Variants in VPS13C observed in about 807,000 individuals in gnomAD.
The protein encoded by VPS13C is intermembrane lipid transfer protein VPS13C.
Under a neutral mutation model 456.8 loss-of-function variants are expected in VPS13C, and 358 were observed. The ratio of observed to expected loss-of-function variants is 0.78; its 90% CI spans 0.72 to 0.86. The LOEUF (loss-of-function observed/expected upper bound fraction) is 0.86. Among genes scored for constraint, VPS13C ranks in the 40% least tolerant of loss-of-function variants. The pLI is 0.00. For synonymous variants in VPS13C, 1,578 were observed against 1,486.7 expected (o/e 1.06, Z -1.41); for missense variants, 4,818 against 4,385.4 (o/e 1.10, Z -2.79).
chr15:61,896,172 G>T (rs183559078), intron 66 of VPS13C, among the ~76,000 whole-genome samples: 1 of 152,096 alleles, frequency 6.6e-6, no homozygotes, highest in South Asian at 2.1e-4. Context: ...TTCCCTCAAA[G>T]AAAAGCCAAG....
intron 58 of VPS13C, 129 bp from the exon 59 acceptor site, chr15:61,918,386 C>T: frequency 1.2e-6 from 1 of 865,536 alleles, no homozygotes; most frequent in Non-Finnish European, 1.6e-6. Context: ...TTTTTATTGG[C>T]AATTGAAAAA....
Position 62,035,008 on chromosome 15 carries a change from C to T in VPS13C, c.232G>A (p.Ala78Thr). 6.2e-7 allele frequency: 1 copy of T among 1,604,068 alleles called. No homozygotes were observed. The change falls in exon 4 of 85, where the codon GCA becomes ACA. Residue 78 changes from alanine to threonine, a missense_variant. Around this residue, in one of 3 missense-constraint regions of VPS13C, gnomAD observed 4,552 missense variants for 4,130.6 expected, o/e 1.10. Coordinates refer to ENST00000644861, the MANE Select transcript of VPS13C (RefSeq NM_020821.3). Reference protein sequence around the residue: ...KIPWKNLYGEAVVATLEGLYL... With the variant: ...KIPWKNLYGETVVATLEGLYL... Reference sequence around the variant, plus strand: ...AATCCTTCCAGGGTCGCAACAACTGCTTCTCCATAAAGGTTCTTCCAAGGA... The same window carrying T: ...AATCCTTCCAGGGTCGCAACAACTGTTTCTCCATAAAGGTTCTTCCAAGGA...
chr15:61,944,636 G>A (rs2044544899), intron 45 of VPS13C, among the ~76,000 whole-genome samples: 1 of 152,112 alleles, frequency 6.6e-6, no homozygotes, highest in South Asian at 2.1e-4. Flanking sequence ...GACTACTACA[G>A]AGAGGGAGGA....
intron 3 of VPS13C, among the ~76,000 whole-genome samples, chr15:62,036,057 C>A (rs1793754039): frequency 6.6e-6 from 1 of 152,026 alleles, no homozygotes; most frequent in South Asian, 2.1e-4. Context: ...ATCTGCCTTA[C>A]TACAGCAATT....
intron 58 of VPS13C, 78 bp downstream of exon 58, chr15:61,919,211 T>C (rs1026549394): frequency 1.2e-5 from 16 of 1,391,170 alleles, no homozygotes; most frequent in Non-Finnish European, 1.6e-5. Flanking sequence ...GAAGTTTTAC[T>C]GTATTCCTAT....
At chr15:61,962,276 T>C (rs533224000) in intron 34 of VPS13C, 95 bp downstream of exon 34, 2 of 1,179,020 alleles carry the variant, frequency 1.7e-6, no homozygotes, top group Non-Finnish European at 2.3e-6. Flanking sequence ...TAATGCCCAC[T>C]CTAAAATCCA....
chr15:62,020,951 A>G (rs1228948916), intron 8 of VPS13C, among the ~76,000 whole-genome samples: 1 of 152,002 alleles, frequency 6.6e-6, no homozygotes, highest in African/African-American at 2.4e-5. Context: ...AATACTATTC[A>G]GCCATAAAAA....
rs760417421 is a variant in VPS13C at position 61,984,861 on chromosome 15, G to A, written c.1717C>T (p.Leu573Phe). Residue 573 changes from leucine (L) to phenylalanine (F), a missense_variant, in exon 19 of 85, where the codon CTT (leucine) becomes TTT (phenylalanine). This residue lies in a region of VPS13C where 4,552 missense variants were observed against 4,130.6 expected (regional missense o/e 1.10). Coordinates refer to ENST00000644861, the MANE Select transcript of VPS13C (RefSeq NM_020821.3). Reference sequence around the variant, plus strand: ...AATAAGTTTTTAAAAACTTACTTAAGTGCTTGTGCTCCTGGTCGCTGAGAT... The same window carrying A: ...AATAAGTTTTTAAAAACTTACTTAAATGCTTGTGCTCCTGGTCGCTGAGAT... ...QVSQRPGAQA[L>F]KVEAKLEHWY... 5 of 1,612,998 alleles carry A rather than the reference G, an allele frequency of 3.1e-6. No homozygotes were observed. The highest frequency in any genetic ancestry group is 1.7e-5 in the Admixed American group (1 of 59,882).
intron 10 of VPS13C, among the ~76,000 whole-genome samples, chr15:62,013,400 C>T (rs2140519051): frequency 6.6e-6 from 1 of 151,518 alleles, no homozygotes; most frequent in African/African-American, 2.4e-5. Context: ...TTTAACAGAC[C>T]CTGTAAATAT....
Position 62,017,240 on chromosome 15 carries a change from A to G in VPS13C, c.684+3239T>C, listed in dbSNP as rs1179201677. Among the ~76,000 whole-genome samples the G allele has an allele frequency of 7.2e-5, 11 of 152,152 alleles. No individual in the cohort carries two copies. The South Asian group carries it at 1.2e-3, about 17-fold the overall frequency. On this transcript the variant is annotated intron_variant, in intron 9 of 84. Transcript: ENST00000644861. ...TTTTCTCCCATTCTGTAGGTTGCCT[A>G]TTCACTCTGATGATAGTTTCTTTTG...
intron 37 of VPS13C, among the ~76,000 whole-genome samples, chr15:61,955,518 C>T (rs150124334): frequency 6.6e-6 from 1 of 152,306 alleles, no homozygotes; most frequent in East Asian, 1.9e-4. Context: ...CAGAAAGCCG[C>T]TAATGTTAAT....
intron 1 of VPS13C, among the ~76,000 whole-genome samples, chr15:62,054,524 C>CAACA (rs2048725736): frequency 6.6e-6 from 1 of 151,932 alleles, no homozygotes; most frequent in East Asian, 1.9e-4. Context: ...TGAACAATGA[C>CAACA]AACACATGGA....
chr15:62,039,342 C>A (rs537869340), intron 3 of VPS13C, among the ~76,000 whole-genome samples: 1 of 152,122 alleles, frequency 6.6e-6, no homozygotes, highest in South Asian at 2.1e-4. Context: ...GGTGGAAAAT[C>A]TAATATTGTA....
chr15:61,919,160 A>G (rs1181438519), intron 58 of VPS13C, 129 bp downstream of exon 58: 1 of 889,564 alleles, frequency 1.1e-6, no homozygotes, highest in Non-Finnish European at 1.6e-6. Context: ...TTATTTCTGA[A>G]TAATTACTAT....
rs531443808 is a variant in VPS13C, at chr15:61,972,771, G to A, written c.2618-7C>T. ...AAATACTCATCATCAGACTCTAAAG[G>A]AAAAAGACATTTATTTGATCTGAGA... On this transcript the variant is annotated splice_polypyrimidine_tract_variant and splice_region_variant and intron_variant, in intron 26 of 84. Coordinates refer to ENST00000644861, the MANE Select transcript of VPS13C (RefSeq NM_020821.3). 38 of 1,600,912 alleles carry A rather than the reference G, an allele frequency of 2.4e-5. No homozygotes were observed. Among genetic ancestry groups the A allele is most frequent in the Non-Finnish European group, 3.2e-5 (38 of 1,173,892 alleles).
chr15:61,873,179 A>G lies in VPS13C; in HGVS notation c.10578+67T>C, dbSNP rs982836777. ...ACTCATAAGCAGCATTCTAAGTTTC[A>G]CACAACCAGCTAGAATACACTTTTT... On this transcript the variant is annotated intron_variant, in intron 78 of 84. Transcript: ENST00000644861. 3.1e-6 allele frequency: 5 copies of G among 1,592,334 alleles called. No homozygotes were observed. The African/African-American group carries it at 6.7e-5, about 21-fold the overall frequency.
chr15:61,874,623 C>T (rs747757912), intron 77 of VPS13C, among the ~76,000 whole-genome samples: 1 of 151,688 alleles, frequency 6.6e-6, no homozygotes, highest in Non-Finnish European at 1.5e-5. Context: ...TCCCATCTAA[C>T]AAGAAAAGGA....
intron 9 of VPS13C, among the ~76,000 whole-genome samples, chr15:62,016,073 T>G (rs1327795911): frequency 6.6e-6 from 1 of 151,094 alleles, no homozygotes; most frequent in African/African-American, 2.4e-5. Flanking sequence ...GATGTGTATC[T>G]CTACTTCTCT....
At position 61,917,529 on chromosome 15, in the gene VPS13C, A is replaced by AAT; in HGVS notation, c.7866_7867insAT (p.Cys2623IlefsTer9). On this transcript the variant is annotated frameshift_variant, in exon 60 of 85. Transcript: ENST00000644861. LOFTEE classifies it high-confidence loss of function. Reference sequence around the variant, plus strand: ...TCTACTGATGGACACTGCAACATGCATCTGACTTCCCTGCTCCTATGAAGT... The same window carrying AAT: ...TCTACTGATGGACACTGCAACATGCAATTCTGACTTCCCTGCTCCTATGAAGT... The AAT allele has an allele frequency of 6.2e-7, 1 of 1,614,056 alleles. No homozygotes were observed. Among genetic ancestry groups the AAT allele is most frequent in the Non-Finnish European group, 8.5e-7 (1 of 1,179,916 alleles).
Sources: gnomAD v4.1 joint callset for allele counts (sites outside exome capture counted in the v4.1 genomes callset) on GRCh38, gnomAD v4.1.1 for gene constraint, gnomAD v4.1.1 regional missense constraint, MANE v1.5 for transcripts, NCBI Gene and HGNC (gene_info 2026-07-23, HGNC 2026-07-21) for gene names.